Variants in STRIP2 observed in about 807,000 individuals in gnomAD.
The protein encoded by STRIP2 is striatin interacting protein 2, also known as striatin-interacting protein 2.
In STRIP2, 84 loss-of-function variants were observed where a neutral mutation model predicts 107.1. The ratio of observed to expected loss-of-function variants is 0.78; its 90% CI spans 0.66 to 0.94. The LOEUF (loss-of-function observed/expected upper bound fraction) is 0.94. STRIP2 is among the 40% of genes least tolerant of loss of function. The pLI is 0.00. For synonymous variants in STRIP2, 394 were observed against 400.4 expected, an observed-to-expected ratio of 0.98 and a Z score of 0.19; for missense variants, 888 against 1,034.2, an observed-to-expected ratio of 0.86 and a Z score of 1.94.
In STRIP2 at chr7:129,460,370, T is replaced by C. The variant is rs778860161; in HGVS notation, c.1474T>C (p.Leu492=). The change falls in exon 13 of 21, where the codon TTG becomes CTG. Residue 492 remains leucine (L), a splice_region_variant and synonymous_variant. Transcript: ENST00000249344. The stretch of plus-strand genomic sequence containing the variant: ...GGAGCTGGAGAAGTGCCCTATGTCT[T>C]TGGTGAGCCAAGGAAGCCCTACACA... ...EEELEKCPMS[L]GEEVVPETPC... The C allele has an allele frequency of 3.1e-6, 5 of 1,613,462 alleles. No individual in the cohort carries two copies. Among genetic ancestry groups the C allele is most frequent in the Non-Finnish European group, 4.2e-6 (5 of 1,179,808 alleles).
rs958402205 is a variant in STRIP2, at chr7:129,464,755, A to G, written c.1776+17A>G. On this transcript the variant is annotated intron_variant, in intron 16 of 20. Coordinates refer to ENST00000249344, the MANE Select transcript of STRIP2 (RefSeq NM_020704.3). Reference sequence around the variant, plus strand: ...ATCTACCAGGTGAGCAGCTAGGAGCACTTCTCCACAGGTCTTGGGTGTTTG... The same window carrying G: ...ATCTACCAGGTGAGCAGCTAGGAGCGCTTCTCCACAGGTCTTGGGTGTTTG... 2 of 1,613,910 alleles carry G rather than the reference A, an allele frequency of 1.2e-6. No homozygotes were observed. The highest frequency in any genetic ancestry group is 1.7e-6 in the Non-Finnish European group (2 of 1,179,974).
At chr7:129,445,390 G>A (rs1449961615) in intron 3 of STRIP2, among the ~76,000 whole-genome samples, 2 of 152,056 alleles carry the variant, frequency 1.3e-5, no homozygotes, top group African/African-American at 4.8e-5. Context: ...TGGAATCATT[G>A]TTGTGTCTCC....
intron 19 of STRIP2, among the ~76,000 whole-genome samples, chr7:129,482,315 A>G (rs1304388281): frequency 1.3e-5 from 2 of 150,304 alleles, no homozygotes; most frequent in East Asian, 3.9e-4. Flanking sequence ...TTTGAACAAT[A>G]AAATATGAAT....
At chr7:129,467,901 A>ACATCAATTT (rs1798708945) in intron 17 of STRIP2, among the ~76,000 whole-genome samples, 1 of 152,210 alleles carries the variant, frequency 6.6e-6, no homozygotes, top group Non-Finnish European at 1.5e-5. Flanking sequence ...ATCAATTTGT[A>ACATCAATTT]GTTTAAAAAA....
Position 129,458,410 on chromosome 7 carries a change from G to A in STRIP2, c.1234G>A (p.Val412Met). ...ACAGGCACCCCTCTCTGCTGAGCGG[G>A]TGGCTTTTCCCAAGGGCCTGCCCTG... ...PSQAPLSAER[V>M]AFPKGLPWAP... is the part of the protein sequence containing the mutation. Residue 412 changes from valine (V) to methionine (M), a missense_variant, in exon 10 of 21, where the codon GTG becomes ATG. Physicochemically the swap from Val to Met is conservative, Grantham distance 21. Transcript: ENST00000249344. The surrounding 1 kb of genome is among the most constrained non-coding windows in gnomAD (Gnocchi z 4.6). The A allele has an allele frequency of 6.2e-7, 1 of 1,610,832 alleles. No individual in the cohort carries two copies. Among genetic ancestry groups the A allele is most frequent in the Non-Finnish European group, 8.5e-7 (1 of 1,178,570 alleles).
At chr7:129,482,370 TATATA>T (rs1408295804) in intron 19 of STRIP2, among the ~76,000 whole-genome samples, 2,221 of 80,268 alleles carry the variant, frequency 0.028, 35 homozygotes, top group East Asian at 0.089. Flanking sequence ...TATATATATA[TATATA>T]TATTTTTTTT....
intron 7 of STRIP2, among the ~76,000 whole-genome samples, 168 bp downstream of exon 7, chr7:129,454,695 G>T (rs1584947064): frequency 6.6e-6 from 1 of 152,168 alleles, no homozygotes; most frequent in East Asian, 1.9e-4. Context: ...CAAGGGCTGG[G>T]CTTGATTGCC....
At chr7:129,447,356 G>A (rs1256588235) in intron 3 of STRIP2, among the ~76,000 whole-genome samples, 3 of 152,170 alleles carry the variant, frequency 2.0e-5, no homozygotes, top group Non-Finnish European at 4.4e-5. Context: ...ACCTAAGAAG[G>A]AATATCTCAA....
At position 129,440,028 on chromosome 7, in the gene STRIP2, G is replaced by A; in HGVS notation, c.136G>A (p.Val46Met). 3 of 1,614,122 alleles carry A rather than the reference G, an allele frequency of 1.9e-6. No individual in the cohort carries two copies. In the South Asian group the frequency reaches 3.3e-5, roughly 18 times the overall value. The change falls in exon 2 of 21, where the codon GTG becomes ATG. Residue 46 changes from valine (V) to methionine (M), a missense_variant. Coordinates refer to ENST00000249344, the MANE Select transcript of STRIP2 (RefSeq NM_020704.3). The part of the protein sequence containing the change: ...RSQRRESEGS[V>M]DCPTLEFEYG... ...CAAAATTTCTCTGTTACAGGGCTCTGTGGACTGTCCCACTCTGGAGTTTGA... is the reference window on the plus strand; with the variant it reads ...CAAAATTTCTCTGTTACAGGGCTCTATGGACTGTCCCACTCTGGAGTTTGA...
chr7:129,480,899 G>GTTTTTTA lies in STRIP2; in HGVS notation c.2049+11_2049+17dup, dbSNP rs762447685. 23 of 1,598,648 alleles carry GTTTTTTA rather than the reference G, an allele frequency of 1.4e-5. No homozygotes were observed. Among genetic ancestry groups the GTTTTTTA allele is most frequent in the Non-Finnish European group, 1.8e-5 (21 of 1,171,420 alleles). On this transcript the variant is annotated intron_variant, in intron 19 of 20. Coordinates refer to ENST00000249344, the MANE Select transcript of STRIP2 (RefSeq NM_020704.3). ...ACATTCCCGGACCATGGTGAGTGTG[G>GTTTTTTA]TTTTTTACATCATGGAGTTGTCCAT... is the stretch of plus-strand genomic sequence containing the variant.
intron 2 of STRIP2, among the ~76,000 whole-genome samples, chr7:129,441,928 A>G (rs1797909213): frequency 2.6e-5 from 4 of 152,342 alleles, no homozygotes; most frequent in South Asian, 2.1e-4. Flanking sequence ...AACATGTTTC[A>G]GTATCAATAA....
At chr7:129,481,112 C>T (rs768198131) in intron 19 of STRIP2, among the ~76,000 whole-genome samples, 2 of 152,176 alleles carry the variant, frequency 1.3e-5, no homozygotes, top group Non-Finnish European at 2.9e-5. Context: ...TCCCTCAGGG[C>T]AACTCTAGCA....
intron 17 of STRIP2, among the ~76,000 whole-genome samples, chr7:129,469,834 C>A (rs1798751640): frequency 6.6e-6 from 1 of 152,210 alleles, no homozygotes; most frequent in African/African-American, 2.4e-5. Context: ...TGCCAACATC[C>A]TTTATCCATT....
At chr7:129,464,866 G>A in intron 16 of STRIP2, 128 bp downstream of exon 16, 1 of 1,252,682 alleles carries the variant, frequency 8.0e-7, no homozygotes, top group South Asian at 1.4e-5. Flanking sequence ...CCTCTCTCAG[G>A]GAATCCAGCC....
intron 2 of STRIP2, among the ~76,000 whole-genome samples, chr7:129,441,640 A>G (rs1377864770): frequency 1.3e-5 from 2 of 152,208 alleles, no homozygotes; most frequent in Admixed American, 1.3e-4. Context: ...AGCTCACTAC[A>G]GCCTTGAGCT....
intron 3 of STRIP2, 78 bp downstream of exon 3, chr7:129,444,176 A>G (rs1280150321): frequency 3.8e-6 from 4 of 1,041,214 alleles, no homozygotes; most frequent in Non-Finnish European, 5.8e-6. Flanking sequence ...AAAGACTAAA[A>G]CAAAGTGCGA....
Position 129,483,009 on chromosome 7 carries a change from G to A in STRIP2, c.2217G>A (p.Val739=), listed in dbSNP as rs751257769. The A allele has an allele frequency of 1.9e-6, 3 of 1,614,092 alleles. No individual in the cohort carries two copies. Among genetic ancestry groups the A allele is most frequent in the African/African-American group, 1.3e-5 (1 of 74,928 alleles). Reference sequence around the variant, plus strand: ...CCATGTCAGCCATTTACCAGAAAGTGCGTCACCGCATGAACGATGACTGGG... The same window carrying A: ...CCATGTCAGCCATTTACCAGAAAGTACGTCACCGCATGAACGATGACTGGG... The part of the protein sequence containing the change: ...MKTMSAIYQK[V]RHRMNDDWAY... The change falls in exon 20 of 21, where the codon GTG becomes GTA. Residue 739 remains valine (V), a synonymous_variant. Transcript: ENST00000249344. The surrounding 1 kb of genome is among the most constrained non-coding windows in gnomAD (Gnocchi z 5.1).
intron 1 of STRIP2, among the ~76,000 whole-genome samples, chr7:129,436,252 G>C (rs1324040487): frequency 2.0e-5 from 3 of 152,218 alleles, no homozygotes; most frequent in Non-Finnish European, 4.4e-5. Flanking sequence ...CCCATGGGGA[G>C]ACAAATTGTG....
chr7:129,439,842 A>C (rs200450134), intron 1 of STRIP2, among the ~76,000 whole-genome samples, 180 bp from the exon 2 acceptor site: 1 of 152,134 alleles, frequency 6.6e-6, no homozygotes, highest in Non-Finnish European at 1.5e-5. Context: ...ACTGAGACTC[A>C]AGTTTTGGCT....
Sources: gnomAD v4.1 joint callset for allele counts (sites outside exome capture counted in the v4.1 genomes callset) on GRCh38, gnomAD v4.1.1 for gene constraint, Gnocchi (gnomAD v3.1) non-coding constraint, MANE v1.5 for transcripts, NCBI Gene and HGNC (gene_info 2026-07-23, HGNC 2026-07-21) for gene names.